Variants in SFXN5 observed in about 807,000 individuals in gnomAD.
SFXN5 encodes the protein sideroflexin 5.
Under a neutral mutation model 50.2 loss-of-function variants are expected in SFXN5, and 43 were observed. The observed-to-expected ratio is 0.86, with a 90% CI of 0.67 to 1.11. SFXN5 has a LOEUF of 1.11. Among genes scored for constraint, SFXN5 ranks in the 50% least tolerant of loss-of-function variants. The pLI is 0.00. For synonymous variants in SFXN5, 203 were observed against 185.8 expected, an observed-to-expected ratio of 1.09 and a Z score of -0.75; for missense variants, 463 against 454.1, an observed-to-expected ratio of 1.02 and a Z score of -0.18.
At chr2:73,037,927 G>A (rs1345516729) in intron 3 of SFXN5, among the ~76,000 whole-genome samples, 6 of 152,206 alleles carry the variant, frequency 3.9e-5, no homozygotes, top group African/African-American at 1.4e-4. Flanking sequence ...GGAAGACCTG[G>A]AACTCGGAGG....
intron 2 of SFXN5, chr2:73,053,592 T>C (rs1681682229): frequency 6.6e-6 from 1 of 152,336 alleles, no homozygotes; most frequent in South Asian, 2.1e-4. Flanking sequence ...TCTGCCTTAT[T>C]ACACATACAA....
At chr2:73,064,139 C>A (rs1167676674) in intron 1 of SFXN5, among the ~76,000 whole-genome samples, 1 of 152,210 alleles carries the variant, frequency 6.6e-6, no homozygotes, top group African/African-American at 2.4e-5. Context: ...GAAGAGCAGG[C>A]CTTGGGAGCA....
At chr2:72,955,018 G>A (rs1672922163) in intron 13 of SFXN5, among the ~76,000 whole-genome samples, 1 of 152,230 alleles carries the variant, frequency 6.6e-6, no homozygotes, top group African/African-American at 2.4e-5. Flanking sequence ...AGGGATGCCA[G>A]CCAGAGGGGC....
intron 10 of SFXN5, among the ~76,000 whole-genome samples, chr2:72,988,044 T>C (rs937303219): frequency 6.6e-6 from 1 of 152,242 alleles, no homozygotes; most frequent in Non-Finnish European, 1.5e-5. Flanking sequence ...GACTGCAGCC[T>C]AAGAACCCCT....
At chr2:72,988,634 C>T (rs984106449) in intron 9 of SFXN5, among the ~76,000 whole-genome samples, 1 of 152,124 alleles carries the variant, frequency 6.6e-6, no homozygotes, top group Admixed American at 6.5e-5. Context: ...CACACATTTA[C>T]ACACTCATAC....
chr2:72,981,832 CA>C (rs1671333997), intron 10 of SFXN5, among the ~76,000 whole-genome samples: 1 of 152,214 alleles, frequency 6.6e-6, no homozygotes. Flanking sequence ...CTTTTCTCAA[CA>C]AACACCATTT....
At chr2:73,050,420 A>ACACACACACACACACACACACACACACC (rs1553523879) in intron 2 of SFXN5, among the ~76,000 whole-genome samples, 86 of 140,772 alleles carry the variant, frequency 6.1e-4, no homozygotes, top group African/African-American at 1.8e-3. Flanking sequence ...ACACACACAC[A>ACACACACACACACACACACACACACACC]CCCCTGCAGA....
At chr2:72,966,316 A>G (rs1177612030) in intron 12 of SFXN5, among the ~76,000 whole-genome samples, 2 of 152,208 alleles carry the variant, frequency 1.3e-5, no homozygotes, top group African/African-American at 4.8e-5. Flanking sequence ...CAGCTTCAGA[A>G]TTCCAAGGTT....
chr2:72,968,586 C>G (rs1041141688), intron 11 of SFXN5, 53 bp from the exon 12 acceptor site: 7 of 1,556,842 alleles, frequency 4.5e-6, no homozygotes, highest in African/African-American at 1.4e-5. Flanking sequence ...GGTGACAGGA[C>G]AGCACACCAC....
intron 10 of SFXN5, among the ~76,000 whole-genome samples, chr2:72,984,642 C>A (rs1010327190): frequency 1.3e-5 from 2 of 152,166 alleles, no homozygotes; most frequent in African/African-American, 2.4e-5. Flanking sequence ...ATGAGGAGAA[C>A]CGAGGGAGGA....
rs1178108479 is a variant in SFXN5 at position 72,968,457 on chromosome 2, ATG to A, written c.816_817del (p.Met273AlafsTer44). The A allele has an allele frequency of 6.2e-7, 1 of 1,608,898 alleles. No individual in the cohort carries two copies. Among genetic ancestry groups the A allele is most frequent in the African/African-American group, 1.3e-5 (1 of 74,344 alleles). Reference sequence around the variant, plus strand: ...GGCTGCCCCAACTCACTTCTCCAGCATGGACATGACGATCGGGGGTAGCACCA... The same window carrying A: ...GGCTGCCCCAACTCACTTCTCCAGCAGACATGACGATCGGGGGTAGCACCA... On this transcript the variant is annotated frameshift_variant, in exon 12 of 14. Coordinates refer to ENST00000272433, the MANE Select transcript of SFXN5 (RefSeq NM_144579.3). LOFTEE classifies it high-confidence loss of function.
chr2:72,969,741 A>C (rs1334852093), intron 11 of SFXN5, among the ~76,000 whole-genome samples: 5 of 151,052 alleles, frequency 3.3e-5, no homozygotes, highest in Non-Finnish European at 7.4e-5. Flanking sequence ...AAAGATTTGC[A>C]AGATCTTGTG....
intron 2 of SFXN5, among the ~76,000 whole-genome samples, chr2:73,050,388 G>GCGCACACACA: frequency 1.3e-4 from 19 of 143,808 alleles, no homozygotes; most frequent in African/African-American, 2.8e-4. Context: ...CAGCCACAGC[G>GCGCACACACA]CACGCACACA....
chr2:73,008,420 G>C (rs922414604), intron 6 of SFXN5, among the ~76,000 whole-genome samples: 1 of 152,190 alleles, frequency 6.6e-6, no homozygotes, highest in African/African-American at 2.4e-5. Context: ...AGGCACAAAT[G>C]CTCTCTGGGA....
intron 6 of SFXN5, among the ~76,000 whole-genome samples, chr2:73,017,483 T>C (rs1676316301): frequency 6.6e-6 from 1 of 152,236 alleles, no homozygotes; most frequent in African/African-American, 2.4e-5. Context: ...CTTTTGAACA[T>C]GGTTCTCTGT....
At chr2:73,025,493 T>C (rs990610637) in intron 3 of SFXN5, among the ~76,000 whole-genome samples, 2 of 152,244 alleles carry the variant, frequency 1.3e-5, no homozygotes, top group African/African-American at 4.8e-5. Context: ...AGTTGACTTC[T>C]GGTAAGGCAC....
chr2:73,046,145 A>ACGCC (rs1159262824), intron 2 of SFXN5, among the ~76,000 whole-genome samples: 1 of 152,214 alleles, frequency 6.6e-6, no homozygotes, highest in African/African-American at 2.4e-5. Flanking sequence ...GCAGCAGCTC[A>ACGCC]CGCCTGTAAT....
At position 73,051,281 on chromosome 2, in the gene SFXN5, C is replaced by T. The variant is rs1002748413; in HGVS notation, c.171+7247G>A. Among the ~76,000 whole-genome samples, 9 of 68,942 alleles carry T rather than the reference C, an allele frequency of 1.3e-4. No individual in the cohort carries two copies. The East Asian group carries it at 5.1e-3, about 39-fold the overall frequency. 45.2% of individuals were successfully genotyped at this position (68,942 alleles called of 152,430 possible). The stretch of plus-strand genomic sequence containing the variant: ...ACTTTTTTTTTTTTTTTTTTTGAGA[C>T]GGAGTCTTACTCTGTCACCCAGGCT... On this transcript the variant is annotated intron_variant, in intron 2 of 13. Transcript: ENST00000272433.
rs764915514 is a variant in SFXN5, at chr2:72,971,698, G to A, written c.626-13C>T. On this transcript the variant is annotated splice_polypyrimidine_tract_variant and intron_variant, in intron 10 of 13. Transcript: ENST00000272433. ...ATATTGGCACTGGCTGCAGAGAGAG[G>A]GGATGCAGAGAGCAGGATGAGGAGG... 11 of 1,597,890 alleles carry A rather than the reference G, an allele frequency of 6.9e-6. No individual in the cohort carries two copies. In the Admixed American group the frequency reaches 1.5e-4, roughly 22 times the overall value.
Sources: allele counts gnomAD v4.1 joint callset (sites outside exome capture counted in the v4.1 genomes callset), GRCh38; gene constraint gnomAD v4.1.1; transcripts MANE v1.5; gene names NCBI Gene and HGNC (gene_info 2026-07-23, HGNC 2026-07-21).